DHX35: variants seen among roughly 807,000 people sequenced by gnomAD.
The protein encoded by DHX35 is DEAH-box helicase 35, also known as probable ATP-dependent RNA helicase DHX35.
Under a neutral mutation model 99.6 loss-of-function variants are expected in DHX35, and 84 were observed. That is an observed-to-expected ratio of 0.84 (90% CI 0.71 to 1.01). The LOEUF (loss-of-function observed/expected upper bound fraction) is 1.01, where lower values mean the gene tolerates loss of function less well. DHX35 is among the 50% of genes least tolerant of loss of function. The pLI is 0.00. For missense variants in DHX35, 852 were observed against 888.5 expected (o/e 0.96, Z 0.52); for synonymous variants, 331 against 316.2 (o/e 1.05, Z -0.50).
chr20:38,988,016 G>C (rs1354261111), intron 4 of DHX35, among the ~76,000 whole-genome samples: 1 of 152,138 alleles, frequency 6.6e-6, no homozygotes, highest in Non-Finnish European at 1.5e-5. Context: ...ATGGTCCCGG[G>C]GGATGGGTTT....
chr20:38,975,051 C>G (rs2086055476), intron 3 of DHX35, among the ~76,000 whole-genome samples: 2 of 152,078 alleles, frequency 1.3e-5, no homozygotes, highest in African/African-American at 4.8e-5. Context: ...ACTGTTTGGT[C>G]CAGACTTGTG....
chr20:38,973,120 A>G (rs1003850222), intron 3 of DHX35, among the ~76,000 whole-genome samples: 3 of 152,222 alleles, frequency 2.0e-5, no homozygotes, highest in Non-Finnish European at 2.9e-5. Context: ...AGGAATTGGC[A>G]TTTGAAATTG....
chr20:39,007,807 G>A (rs1164658863), intron 12 of DHX35, among the ~76,000 whole-genome samples: 1 of 152,228 alleles, frequency 6.6e-6, no homozygotes, highest in Non-Finnish European at 1.5e-5. Flanking sequence ...AAGAAGGAAT[G>A]ACTAGAGTGG....
chr20:39,010,331 G>GTAATT lies in DHX35; in HGVS notation c.1276_1280dup (p.Ala428IlefsTer9). ...TCTACGGTTCCTGAGATGCAGCGTA[G>GTAATT]TAATTTGGCACCTGTCATCCTGCAG... On this transcript the variant is annotated frameshift_variant, in exon 13 of 22. Transcript: ENST00000252011. LOFTEE classifies it high-confidence loss of function. 1 of 1,614,146 alleles carries GTAATT rather than the reference G, an allele frequency of 6.2e-7. No individual in the cohort carries two copies. The highest frequency in any genetic ancestry group is 8.5e-7 in the Non-Finnish European group (1 of 1,180,030).
intron 3 of DHX35, among the ~76,000 whole-genome samples, chr20:38,979,097 TAACGTTTTTTGAAGTCA>T (rs1341992384): frequency 1.3e-5 from 2 of 152,240 alleles, no homozygotes; most frequent in Non-Finnish European, 2.9e-5. Flanking sequence ...TATAGCTTTG[TAACGTTTTTTGAAGTCA>T]GGTAATGCCT....
At chr20:38,987,229 C>G (rs892939470) in intron 4 of DHX35, among the ~76,000 whole-genome samples, 3 of 152,036 alleles carry the variant, frequency 2.0e-5, no homozygotes, top group African/African-American at 7.2e-5. Context: ...GTGGTGAATA[C>G]TAAACTTTCT....
chr20:38,977,983 C>T (rs1601374204), intron 3 of DHX35: 1 of 679,506 alleles, frequency 1.5e-6, no homozygotes. Context: ...GTTGCTACCA[C>T]CTCCAGGGGC....
At chr20:39,003,223 C>G (rs192567512) in intron 10 of DHX35, among the ~76,000 whole-genome samples, 14 of 152,266 alleles carry the variant, frequency 9.2e-5, no homozygotes, top group Non-Finnish European at 1.8e-4. Flanking sequence ...CCAGTGACAC[C>G]TTTACAGCTC....
chr20:38,996,357 A>G (rs930139222), intron 8 of DHX35, among the ~76,000 whole-genome samples: 1 of 152,166 alleles, frequency 6.6e-6, no homozygotes, highest in Non-Finnish European at 1.5e-5. Flanking sequence ...CAGAGTAGGC[A>G]CTTGGGTTGA....
At position 39,012,687 on chromosome 20, in the gene DHX35, G is replaced by A. The variant is rs888345535; in HGVS notation, c.1348-2193G>A. Among the ~76,000 whole-genome samples the A allele has an allele frequency of 7.9e-5, 12 of 152,120 alleles. No individual in the cohort carries two copies. In the South Asian group the frequency reaches 8.3e-4, roughly 11 times the overall value. ...TGGGACTACAGGAAAGAGCCACCAT[G>A]CTCGGTTAATTTTTTGTATTTTTAG... On this transcript the variant is annotated intron_variant, in intron 13 of 21. Coordinates refer to ENST00000252011, the MANE Select transcript of DHX35 (RefSeq NM_021931.4).
intron 2 of DHX35, among the ~76,000 whole-genome samples, chr20:38,970,398 C>T (rs1047687481): frequency 1.3e-5 from 2 of 152,232 alleles, no homozygotes; most frequent in African/African-American, 4.8e-5. Flanking sequence ...CTGACTGTCT[C>T]TGGGTTTCTT....
intron 14 of DHX35, among the ~76,000 whole-genome samples, chr20:39,015,430 T>G (rs2086770009): frequency 6.6e-6 from 1 of 152,154 alleles, no homozygotes; most frequent in South Asian, 2.1e-4. Context: ...GTTATTAGGT[T>G]GGTGCAAAAA....
chr20:38,969,219 G>A lies in DHX35; in HGVS notation c.174+5G>A, dbSNP rs764278776. The A allele has an allele frequency of 2.5e-6, 4 of 1,605,852 alleles. No individual in the cohort carries two copies. Among genetic ancestry groups the A allele is most frequent in the East Asian group, 4.5e-5 (2 of 44,686 alleles). ...CAGAAGCTGCCGGTATTCAAGGTAC[G>A]TCAAATAATCATGTTCAACCTGTGG... On this transcript the variant is annotated splice_donor_5th_base_variant and intron_variant, in intron 2 of 21. Transcript: ENST00000252011.
At chr20:38,970,644 C>T (rs923138221) in intron 2 of DHX35, among the ~76,000 whole-genome samples, 39 of 152,300 alleles carry the variant, frequency 2.6e-4, no homozygotes, top group Admixed American at 6.5e-4. Flanking sequence ...TGTAGGACTA[C>T]AGGAGCACCT....
At chr20:38,976,742 T>C (rs2086085721) in intron 3 of DHX35, among the ~76,000 whole-genome samples, 1 of 152,146 alleles carries the variant, frequency 6.6e-6, no homozygotes, top group Admixed American at 6.6e-5. Flanking sequence ...CCTTTTATTC[T>C]CCCTACTCCC....
At chr20:39,018,617 G>A (rs926138457) in intron 14 of DHX35, among the ~76,000 whole-genome samples, 187 bp from the exon 15 acceptor site, 2 of 152,270 alleles carry the variant, frequency 1.3e-5, no homozygotes, top group East Asian at 1.9e-4. Flanking sequence ...CAAGAGCTCA[G>A]TGGAGATCTT....
In DHX35 at chr20:39,039,539, A is replaced by T. The variant is rs1319601523; in HGVS notation, c.*996A>T. The T allele has an allele frequency of 6.6e-6, 1 of 152,096 alleles. No homozygotes were observed. Among genetic ancestry groups the T allele is most frequent in the East Asian group, 1.9e-4 (1 of 5,192 alleles). 9.4% of individuals were successfully genotyped at this position (152,096 alleles called of 1,614,324 possible). On this transcript the variant is annotated 3_prime_UTR_variant, in exon 22 of 22. Coordinates refer to ENST00000252011, the MANE Select transcript of DHX35 (RefSeq NM_021931.4). ...TTTTTTCCCCCTTACTGTTTCAATGACCTTTATTTTAAAAACACATAGCTT... is the reference window on the plus strand; with the variant it reads ...TTTTTTCCCCCTTACTGTTTCAATGTCCTTTATTTTAAAAACACATAGCTT...
At chr20:38,968,548 C>T (rs2145830813) in intron 1 of DHX35, among the ~76,000 whole-genome samples, 1 of 152,138 alleles carries the variant, frequency 6.6e-6, no homozygotes, top group East Asian at 1.9e-4. Flanking sequence ...CATCTCGTTT[C>T]TTTTTTCTTT....
chr20:38,978,670 G>C (rs2086120609), intron 3 of DHX35, among the ~76,000 whole-genome samples: 1 of 151,992 alleles, frequency 6.6e-6, no homozygotes, highest in African/African-American at 2.4e-5. Flanking sequence ...TGTTTTCATT[G>C]CTGAACAGAA....
Sources: gnomAD v4.1 joint callset for allele counts (sites outside exome capture counted in the v4.1 genomes callset) on GRCh38, gnomAD v4.1.1 for gene constraint, MANE v1.5 for transcripts, NCBI Gene and HGNC (gene_info 2026-07-23, HGNC 2026-07-21) for gene names.